POPDC1: variants seen among roughly 807,000 people sequenced by gnomAD.
POPDC1 encodes the protein popeye domain-containing protein 1.
chr6:105,104,092 A>G, the POPDC1 span, among the ~76,000 whole-genome samples: 2 of 152,080 alleles, frequency 1.3e-5, no homozygotes, highest in Non-Finnish European at 2.9e-5. Flanking sequence ...AAGCTCTTGC[A>G]AACTCACTGC....
At chr6:105,102,228 A>G in the POPDC1 span, among the ~76,000 whole-genome samples, 1 of 152,202 alleles carries the variant, frequency 6.6e-6, no homozygotes, top group African/African-American at 2.4e-5. Flanking sequence ...GGCTCTTTAA[A>G]TACATGCTCA....
chr6:105,127,150 G>A, the POPDC1 span, among the ~76,000 whole-genome samples: 1 of 152,160 alleles, frequency 6.6e-6, no homozygotes, highest in Non-Finnish European at 1.5e-5. Flanking sequence ...TGTCACTATA[G>A]CATTTGCAGT....
chr6:105,114,070 C>T, the POPDC1 span, among the ~76,000 whole-genome samples: 1 of 152,134 alleles, frequency 6.6e-6, no homozygotes, highest in Non-Finnish European at 1.5e-5. Flanking sequence ...TCATCAAGGA[C>T]AAGATGTCGA....
chr6:105,122,721 A>T, the POPDC1 span, among the ~76,000 whole-genome samples: 1 of 152,238 alleles, frequency 6.6e-6, no homozygotes, highest in Non-Finnish European at 1.5e-5. Flanking sequence ...GGAGAGAAAG[A>T]AGATGCGGCC....
At chr6:105,112,762 TC>T in the POPDC1 span, among the ~76,000 whole-genome samples, 10 of 152,136 alleles carry the variant, frequency 6.6e-5, no homozygotes, top group African/African-American at 2.4e-4. Context: ...GGTGGACTCA[TC>T]TGCAAAGAGG....
chr6:105,130,605 G>A, the POPDC1 span, among the ~76,000 whole-genome samples: 1 of 152,172 alleles, frequency 6.6e-6, no homozygotes, highest in Admixed American at 6.5e-5. Context: ...CATTTCGTTA[G>A]ATGATTTTGT....
chr6:105,103,660 G>A, the POPDC1 span, among the ~76,000 whole-genome samples: 3 of 152,074 alleles, frequency 2.0e-5, no homozygotes, highest in Admixed American at 6.6e-5. Flanking sequence ...TGTGTAACAC[G>A]CTTAACAGAA....
the POPDC1 span, among the ~76,000 whole-genome samples, chr6:105,117,224 T>C: frequency 6.6e-6 from 1 of 152,284 alleles, no homozygotes; most frequent in East Asian, 1.9e-4. Flanking sequence ...TTACACCCTG[T>C]ACATTACAAT....
the POPDC1 span, among the ~76,000 whole-genome samples, chr6:105,104,080 C>T: frequency 6.6e-6 from 1 of 152,126 alleles, no homozygotes; most frequent in Admixed American, 6.5e-5. Context: ...CTCTTCCAGT[C>T]CAAGCTCTTG....
At chr6:105,124,406 A>C in the POPDC1 span, 1 of 554,998 alleles carries the variant, frequency 1.8e-6, no homozygotes, top group Admixed American at 3.6e-5. Context: ...AAAAAAAAAA[A>C]AAGAGACAAT....
the POPDC1 span, among the ~76,000 whole-genome samples, chr6:105,121,819 C>T: frequency 6.6e-6 from 1 of 152,194 alleles, no homozygotes; most frequent in African/African-American, 2.4e-5. Flanking sequence ...TCCTTTTCAT[C>T]GTACTGTACA....
At chr6:105,108,767 T>G in the POPDC1 span, among the ~76,000 whole-genome samples, 1 of 152,220 alleles carries the variant, frequency 6.6e-6, no homozygotes, top group Non-Finnish European at 1.5e-5. Flanking sequence ...TGCCCACTAC[T>G]TGGTTCTACG....
chr6:105,111,719 C>CTG, the POPDC1 span, among the ~76,000 whole-genome samples: 1 of 152,124 alleles, frequency 6.6e-6, no homozygotes, highest in Non-Finnish European at 1.5e-5. Flanking sequence ...AGAGACCTTG[C>CTG]TGTGGATTTA....
the POPDC1 span, chr6:105,133,660 T>C: frequency 2.8e-6 from 3 of 1,060,184 alleles, no homozygotes; most frequent in Admixed American, 2.3e-5. Flanking sequence ...ATAGGTATTA[T>C]ACCAAAATTA....
chr6:105,130,110 A>G, the POPDC1 span, among the ~76,000 whole-genome samples: 18 of 142,206 alleles, frequency 1.3e-4, no homozygotes, highest in Non-Finnish European at 2.2e-4. Flanking sequence ...CCATAATTCT[A>G]CTACTTTAAG....
chr6:105,129,363 T>G, the POPDC1 span: 1 of 1,584,096 alleles, frequency 6.3e-7, no homozygotes, highest in Non-Finnish European at 8.6e-7. Flanking sequence ...CCTTATTAAT[T>G]AATTTTAATA....
At chr6:105,099,441 T>A in the POPDC1 span, 1 of 152,198 alleles carries the variant, frequency 6.6e-6, no homozygotes, top group African/African-American at 2.4e-5. Context: ...TTCTTAGCCA[T>A]TTAACGTAAC....
the POPDC1 span, among the ~76,000 whole-genome samples, chr6:105,108,764 T>C: frequency 1.3e-5 from 2 of 152,244 alleles, no homozygotes; most frequent in Admixed American, 6.5e-5. Flanking sequence ...CACTGCCCAC[T>C]ACTTGGTTCT....
At chr6:105,118,609 A>G in the POPDC1 span, among the ~76,000 whole-genome samples, 4 of 152,214 alleles carry the variant, frequency 2.6e-5, no homozygotes, top group Admixed American at 1.3e-4. Flanking sequence ...TAATTAATAA[A>G]GAAATATGAC....
Sources: allele counts gnomAD v4.1 joint callset (sites outside exome capture counted in the v4.1 genomes callset), GRCh38; gene constraint gnomAD v4.1.1; transcripts MANE v1.5; gene names NCBI Gene and HGNC (gene_info 2026-07-23, HGNC 2026-07-21).